Variants in CCND3 observed in about 807,000 individuals in gnomAD.
The protein encoded by CCND3 is cyclin D3, also known as G1/S-specific cyclin-D3.
In CCND3, 9 loss-of-function variants were observed where a neutral mutation model predicts 28.7. That is an observed-to-expected ratio of 0.31 (90% CI 0.19 to 0.55). The LOEUF (loss-of-function observed/expected upper bound fraction) is 0.55, where lower values mean the gene tolerates loss of function less well. Ranked by LOEUF, CCND3 falls within the 20% of genes least tolerant of loss-of-function variation. The probability of loss-of-function intolerance (pLI) is 0.93; values close to 1 mark genes in which losing one functional copy is unlikely to be tolerated. For synonymous variants in CCND3, 164 were observed against 163.9 expected (o/e 1.00, Z 0.00); for missense variants, 315 against 385.8 (o/e 0.82, Z 1.54).
intron 1 of CCND3, among the ~76,000 whole-genome samples, chr6:42,005,344 C>G (rs1047280258): frequency 6.6e-6 from 1 of 151,998 alleles, no homozygotes; most frequent in Non-Finnish European, 1.5e-5. Context: ...GAGTTTGAAA[C>G]CAGCCTGAGC....
At chr6:41,994,134 A>G (rs1487802005) in intron 1 of CCND3, among the ~76,000 whole-genome samples, 1 of 151,022 alleles carries the variant, frequency 6.6e-6, no homozygotes, top group Non-Finnish European at 1.5e-5. Context: ...AGGTTATAAT[A>G]TCTTATTGTT....
Position 41,939,877 on chromosome 6 carries a change from GCTTTAATTGGCT to G in CCND3, c.414+481_414+492del, listed in dbSNP as rs1224962427. Among the ~76,000 whole-genome samples, 2 of 152,154 alleles carry G rather than the reference GCTTTAATTGGCT, an allele frequency of 1.3e-5. No homozygotes were observed. The highest frequency in any genetic ancestry group is 2.9e-5 in the Non-Finnish European group (2 of 68,028). ...CCTTCCTTAAAGCAATCAGGGCCTGGCTTTAATTGGCTCTGGGAGGCTTTTCTATCACAAAGT... is the reference window on the plus strand; with the variant it reads ...CCTTCCTTAAAGCAATCAGGGCCTGGCTGGGAGGCTTTTCTATCACAAAGT... On this transcript the variant is annotated intron_variant, in intron 2 of 4. Transcript: ENST00000372991. This position sits in a 1 kb window ranked among gnomAD's most constrained non-coding sequence, Gnocchi z 4.2.
At chr6:42,022,245 C>T (rs1290785680) in intron 1 of CCND3, among the ~76,000 whole-genome samples, 10 of 152,182 alleles carry the variant, frequency 6.6e-5, no homozygotes, top group African/African-American at 1.7e-4. Flanking sequence ...GGCCAAAGCA[C>T]CCTCACTTTC....
chr6:41,956,945 G>C (rs529565080), intron 1 of CCND3, among the ~76,000 whole-genome samples: 30 of 152,234 alleles, frequency 2.0e-4, no homozygotes, highest in African/African-American at 7.0e-4. Context: ...GCAGGAGAAT[G>C]GCATGAACCC....
At chr6:41,972,808 G>A (rs9349209) in intron 1 of CCND3, among the ~76,000 whole-genome samples, 29,277 of 151,378 alleles carry the variant, frequency 0.19, 3,113 homozygotes, top group East Asian at 0.25. Flanking sequence ...CTTGATCTCA[G>A]AAGTTCAAGA....
chr6:42,034,861 A>G (rs541329561), intron 1 of CCND3, among the ~76,000 whole-genome samples: 2 of 152,322 alleles, frequency 1.3e-5, no homozygotes, highest in South Asian at 4.1e-4. Context: ...AATAAAGAAC[A>G]GAGCAATCCT....
intron 1 of CCND3, among the ~76,000 whole-genome samples, chr6:42,002,874 A>G (rs1333386002): frequency 1.3e-5 from 2 of 151,548 alleles, no homozygotes; most frequent in Admixed American, 1.3e-4. Context: ...AAAAGAAAGA[A>G]AAGAGAGGCC....
At chr6:42,039,376 G>A (rs1764306390) in intron 1 of CCND3, among the ~76,000 whole-genome samples, 3 of 152,178 alleles carry the variant, frequency 2.0e-5, no homozygotes, top group South Asian at 2.1e-4. Flanking sequence ...CTAGGTGACT[G>A]AGCCCAGGAG....
At chr6:41,961,379 C>T (rs780883748) in intron 1 of CCND3, among the ~76,000 whole-genome samples, 1 of 152,008 alleles carries the variant, frequency 6.6e-6, no homozygotes, top group Non-Finnish European at 1.5e-5. Context: ...CCAGCCTGGC[C>T]ATCATGGTGA....
chr6:42,028,219 T>C (rs1763938720), intron 1 of CCND3, among the ~76,000 whole-genome samples: 1 of 152,110 alleles, frequency 6.6e-6, no homozygotes, highest in Admixed American at 6.6e-5. Context: ...AGAGGAGACC[T>C]GATGACCTCC....
intron 1 of CCND3, among the ~76,000 whole-genome samples, chr6:41,950,452 T>G (rs7766960): frequency 0.59 from 89,403 of 151,938 alleles, 26,770 homozygotes; most frequent in African/African-American, 0.71. Context: ...TCCTGGGCAG[T>G]TTACTTAACT....
At chr6:42,038,917 G>A (rs1764298647) in intron 1 of CCND3, among the ~76,000 whole-genome samples, 1 of 152,166 alleles carries the variant, frequency 6.6e-6, no homozygotes, top group Non-Finnish European at 1.5e-5. Context: ...GATTCCCACA[G>A]CATTGTAGTT....
At chr6:41,989,454 C>CAAAAAAAA (rs35776222) in intron 1 of CCND3, among the ~76,000 whole-genome samples, 8 of 21,706 alleles carry the variant, frequency 3.7e-4, no homozygotes, top group Middle Eastern at 0.019. Flanking sequence ...AACACTGTCT[C>CAAAAAAAA]AAAAAAAAAA....
upstream of CCND3, among the ~76,000 whole-genome samples, chr6:41,942,989 G>A (rs765943176): frequency 8.5e-5 from 12 of 141,354 alleles, no homozygotes; most frequent in Non-Finnish European, 1.5e-4. Context: ...AGCAATTCCC[G>A]AGTAGCTGGG....
intron 1 of CCND3, among the ~76,000 whole-genome samples, chr6:42,029,454 G>A (rs764724438): frequency 6.6e-6 from 1 of 152,182 alleles, no homozygotes; most frequent in African/African-American, 2.4e-5. Context: ...GGCCTTGGGA[G>A]CCTCAAAGGA....
At position 41,999,320 on chromosome 6, in the gene CCND3, C is replaced by T. The variant is rs904547667; in HGVS notation, c.-46+49181G>A. Among the ~76,000 whole-genome samples, 6 of 152,226 alleles carry T rather than the reference C, an allele frequency of 3.9e-5. No individual in the cohort carries two copies. The South Asian group carries it at 1.0e-3, about 26-fold the overall frequency. On this transcript the variant is annotated intron_variant, in intron 1 of 4. Coordinates refer to the CCND3 transcript ENST00000372988. The stretch of plus-strand genomic sequence containing the variant: ...CTGGAGTGCAATGGCACAATCTCGG[C>T]TCACTGCAACCTCCGCCTCCTGGGT...
chr6:41,937,606 A>G lies in CCND3; in HGVS notation c.415-212T>C, dbSNP rs563974207. 1.9e-4 allele frequency: 111 copies of G among 596,952 alleles called. No homozygotes were observed. The East Asian group carries it at 3.1e-3, about 17-fold the overall frequency. The allele number at this position is 596,952 out of a possible 1,614,324, so 37.0% of individuals were successfully genotyped here. On this transcript the variant is annotated intron_variant, in intron 2 of 4. Transcript: ENST00000372991. The stretch of plus-strand genomic sequence containing the variant: ...TTTGAGCACTTACTGATCATTTACT[A>G]GGTGCCAGGACAACATGCTTTACAT...
intron 1 of CCND3, among the ~76,000 whole-genome samples, chr6:41,977,612 C>T (rs1762219994): frequency 6.6e-6 from 1 of 152,094 alleles, no homozygotes; most frequent in Admixed American, 6.6e-5. Context: ...GGTGATCCAC[C>T]CACCTAGGCC....
chr6:41,958,204 C>T (rs1776487606), intron 1 of CCND3, among the ~76,000 whole-genome samples: 1 of 151,910 alleles, frequency 6.6e-6, no homozygotes, highest in South Asian at 2.1e-4. Flanking sequence ...ACCATGTTGG[C>T]CAGGCTGGTC....
Sources: allele counts gnomAD v4.1 joint callset (sites outside exome capture counted in the v4.1 genomes callset), GRCh38; gene constraint gnomAD v4.1.1; non-coding constraint Gnocchi (gnomAD v3.1); transcripts MANE v1.5; gene names NCBI Gene and HGNC (gene_info 2026-07-23, HGNC 2026-07-21).